Variants in RELN observed in about 807,000 individuals in gnomAD.
RELN encodes the protein reelin.
A neutral mutation model predicts 427.6 loss-of-function variants in RELN; 108 were observed. The observed-to-expected ratio is 0.25, with a 90% CI of 0.22 to 0.30. RELN has a LOEUF of 0.30. RELN is among the 10% of genes least tolerant of loss of function. RELN has a pLI of 1.00. For synonymous variants in RELN, 1,524 were observed against 1,513.4 expected (o/e 1.01, Z -0.16); for missense variants, 3,715 against 4,302.8 (o/e 0.86, Z 3.82).
Position 103,664,294 on chromosome 7 carries a change from T to C in RELN, c.1290-2767A>G, listed in dbSNP as rs531787986. On this transcript the variant is annotated intron_variant, in intron 11 of 64. Coordinates refer to ENST00000428762, the MANE Select transcript of RELN (RefSeq NM_005045.4). ...TATAAAAGGTCCTTGTGTGTTTACA[T>C]ATGCATGTGGGAATTTCCCCATCAG... 7.9e-5 allele frequency among the ~76,000 whole-genome samples: 12 copies of C among 152,344 alleles called. No individual in the cohort carries two copies. The South Asian group carries it at 2.5e-3, about 32-fold the overall frequency.
chr7:103,710,326 A>C (rs1170781455), intron 8 of RELN, among the ~76,000 whole-genome samples: 1 of 152,222 alleles, frequency 6.6e-6, no homozygotes, highest in Non-Finnish European at 1.5e-5. Flanking sequence ...TGCTAAGAAG[A>C]AGCTGAGTTG....
intron 28 of RELN, among the ~76,000 whole-genome samples, chr7:103,576,479 C>G (rs1220970482): frequency 6.6e-6 from 1 of 152,142 alleles, no homozygotes; most frequent in Non-Finnish European, 1.5e-5. Flanking sequence ...TATTTTCTCA[C>G]CTTCTGCTCT....
chr7:103,926,378 G>A (rs1477611625), intron 1 of RELN, among the ~76,000 whole-genome samples: 1 of 152,110 alleles, frequency 6.6e-6, no homozygotes, highest in African/African-American at 2.4e-5. Flanking sequence ...ACAGGCGTGA[G>A]CCACTGCACC....
rs1796378338 is a variant in RELN at position 103,953,764 on chromosome 7, C to G, written c.226+35367G>C. 6.6e-6 allele frequency among the ~76,000 whole-genome samples: 1 copy of G among 151,830 alleles called. No homozygotes were observed. The highest frequency in any genetic ancestry group is 1.5e-5 in the Non-Finnish European group (1 of 67,972). ...CCTTGCCAACATGGTGAAACCCCAT[C>G]TCTTCTAAAAATAGAAAATTATCCA... is the stretch of plus-strand genomic sequence containing the variant. On this transcript the variant is annotated intron_variant, in intron 1 of 64. Transcript: ENST00000428762. This position sits in a 1 kb window ranked among gnomAD's most constrained non-coding sequence, Gnocchi z 4.3.
In RELN at chr7:103,909,807, TATA is replaced by T. The variant is rs1261647372; in HGVS notation, c.337+7265_337+7267del. On this transcript the variant is annotated intron_variant, in intron 2 of 64. Transcript: ENST00000428762. ...TATATATATTAAATATATATTAATA[TATA>T]ATATTATATATAAAATATATATATT... Among the ~76,000 whole-genome samples the T allele has an allele frequency of 3.7e-3, 194 of 53,056 alleles. 10 individuals are homozygous for T. The highest frequency in any genetic ancestry group is 0.016 in the African/African-American group (173 of 11,074). The allele number at this position is 53,056 out of a possible 152,430, so 34.8% of individuals were successfully genotyped here. A position where few individuals can be genotyped will look rare whatever the true frequency, so the allele number is the denominator to read the frequency against.
chr7:103,738,768 C>T (rs1368706840), intron 6 of RELN, among the ~76,000 whole-genome samples: 8 of 149,554 alleles, frequency 5.3e-5, no homozygotes, highest in East Asian at 2.0e-4. Context: ...CTGCAACCTC[C>T]GCCTCCTGGG....
rs1267127871 is a variant in RELN at position 103,540,361 on chromosome 7, G to C, written c.6766C>G (p.Leu2256Val). Residue 2256 changes from leucine (L) to valine (V), a missense_variant, in exon 44 of 65, where the codon CTC (leucine) becomes GTC (valine). Coordinates refer to ENST00000428762, the MANE Select transcript of RELN (RefSeq NM_005045.4). Reference sequence around the variant, plus strand: ...AACTCCTGAAGAAGACTCCACGAGAGGCCACCGTTGAGAGAATACTGTAGG... The same window carrying C: ...AACTCCTGAAGAAGACTCCACGAGACGCCACCGTTGAGAGAATACTGTAGG... ...VLLQYSLNGG[L>V]SWSLLQEFLF... The C allele has an allele frequency of 1.9e-6, 3 of 1,614,028 alleles. No homozygotes were observed. The highest frequency in any genetic ancestry group is 1.7e-5 in the Admixed American group (1 of 60,000).
intron 16 of RELN, among the ~76,000 whole-genome samples, chr7:103,648,643 T>C (rs933659193): frequency 6.6e-6 from 1 of 152,064 alleles, no homozygotes; most frequent in Non-Finnish European, 1.5e-5. Context: ...ATCAACACAG[T>C]GAACAGACAA....
chr7:103,772,096 G>C (rs899824556), intron 4 of RELN, among the ~76,000 whole-genome samples: 1 of 152,116 alleles, frequency 6.6e-6, no homozygotes, highest in Admixed American at 6.5e-5. Flanking sequence ...TTACTGGCTA[G>C]CCTCCTCTTT....
At chr7:103,650,885 A>T (rs1832901333) in intron 15 of RELN, among the ~76,000 whole-genome samples, 1 of 152,140 alleles carries the variant, frequency 6.6e-6, no homozygotes, top group Non-Finnish European at 1.5e-5. Context: ...TTGGCCTCCC[A>T]AAGTGCTGGG....
intron 3 of RELN, among the ~76,000 whole-genome samples, chr7:103,798,706 C>A (rs12674461): frequency 3.9e-5 from 6 of 152,312 alleles, no homozygotes; most frequent in African/African-American, 1.4e-4. Context: ...CGCTTCCATG[C>A]TATCTCAGTG....
intron 1 of RELN, among the ~76,000 whole-genome samples, chr7:103,978,660 T>C (rs1445077748): frequency 2.0e-5 from 3 of 152,186 alleles, no homozygotes; most frequent in Non-Finnish European, 4.4e-5. Context: ...TCTAGAGCAT[T>C]TGCATTTCAT....
intron 60 of RELN, among the ~76,000 whole-genome samples, chr7:103,487,501 C>A (rs747735954): frequency 6.7e-6 from 1 of 148,546 alleles, no homozygotes; most frequent in South Asian, 2.1e-4. Flanking sequence ...TACAGATTCC[C>A]AAAGTAAATG....
Position 103,561,840 on chromosome 7 carries a change from C to G in RELN, c.5324G>C (p.Arg1775Pro). 6.2e-7 allele frequency: 1 copy of G among 1,613,842 alleles called. No homozygotes were observed. Among genetic ancestry groups the G allele is most frequent in the Non-Finnish European group, 8.5e-7 (1 of 1,179,922 alleles). ...ACAGCGTCCAGCATCACAAATCCCT[C>G]GTCCTGAGCACATCCAAGGGCACCC... Reference protein sequence around the residue: ...ASGCPWMCSGRGICDAGRCVC... With the variant: ...ASGCPWMCSGPGICDAGRCVC... The change falls in exon 35 of 65, where the codon CGA becomes CCA. Residue 1775 changes from arginine to proline, a missense_variant. By Grantham distance (103) the Arg-to-Pro change is moderately radical. Transcript: ENST00000428762.
chr7:103,803,541 T>C (rs1792520563), intron 3 of RELN, among the ~76,000 whole-genome samples: 2 of 152,108 alleles, frequency 1.3e-5, no homozygotes, highest in Non-Finnish European at 2.9e-5. Context: ...TGTCCAATGG[T>C]TGATTAAATA....
chr7:103,705,845 G>A (rs1174692727), intron 8 of RELN, among the ~76,000 whole-genome samples: 1 of 152,150 alleles, frequency 6.6e-6, no homozygotes, highest in African/African-American at 2.4e-5. Flanking sequence ...TCACAGAACT[G>A]TTGTAAAGAT....
chr7:103,737,888 T>C (rs1790534258), intron 6 of RELN, among the ~76,000 whole-genome samples: 1 of 152,084 alleles, frequency 6.6e-6, no homozygotes, highest in Admixed American at 6.6e-5. Context: ...GACCTTTCTG[T>C]ATCATTATCC....
chr7:103,931,030 G>T (rs1275042791), intron 1 of RELN, among the ~76,000 whole-genome samples: 1 of 151,938 alleles, frequency 6.6e-6, no homozygotes, highest in Non-Finnish European at 1.5e-5. Context: ...AGAGACTGCT[G>T]CCCTTCCTGA....
In RELN at chr7:103,539,319, A is replaced by G. The variant is rs113498433; in HGVS notation, c.6939T>C (p.Ile2313=). The change falls in exon 45 of 65, where the codon ATT becomes ATC. Residue 2313 remains isoleucine (I), a synonymous_variant. Transcript: ENST00000428762. ...YSPWVIDQIL[I]GGNISGNTVL... is the part of the protein sequence containing the mutation. Reference sequence around the variant, plus strand: ...CCGTATTACCAGAAATATTTCCTCCAATAAGAATCTGAAATGTATTTTTAA... The same window carrying G: ...CCGTATTACCAGAAATATTTCCTCCGATAAGAATCTGAAATGTATTTTTAA... 1.3e-4 allele frequency: 205 copies of G among 1,614,004 alleles called. 3 individuals carry two copies. The African/African-American group carries it at 2.2e-3, about 17-fold the overall frequency.
Sources: allele counts gnomAD v4.1 joint callset (sites outside exome capture counted in the v4.1 genomes callset), GRCh38; gene constraint gnomAD v4.1.1; non-coding constraint Gnocchi (gnomAD v3.1); transcripts MANE v1.5; gene names NCBI Gene and HGNC (gene_info 2026-07-23, HGNC 2026-07-21).